Variants in GMDS observed in about 807,000 individuals in gnomAD.
GMDS encodes GDP-mannose 4,6 dehydratase.
Under a neutral mutation model 49.9 loss-of-function variants are expected in GMDS, and 20 were observed. That is an observed-to-expected ratio of 0.40 (90% CI 0.28 to 0.58). The LOEUF (loss-of-function observed/expected upper bound fraction) is 0.58. Among genes scored for constraint, GMDS ranks in the 20% least tolerant of loss-of-function variants. The pLI, the probability that GMDS is intolerant of heterozygous loss-of-function variation, is 0.42. For missense variants in GMDS, 362 were observed against 481.4 expected (o/e 0.75, Z 2.32); for synonymous variants, 177 against 178.6 (o/e 0.99, Z 0.07).
intron 1 of GMDS, among the ~76,000 whole-genome samples, chr6:2,202,578 TG>T (rs1195304558): frequency 1.3e-5 from 2 of 151,950 alleles, no homozygotes; most frequent in African/African-American, 4.8e-5. Flanking sequence ...TGGAAGAGAA[TG>T]GAGTTAATTG....
At chr6:1,652,143 G>A (rs1189635368) in intron 9 of GMDS, among the ~76,000 whole-genome samples, 1 of 150,440 alleles carries the variant, frequency 6.6e-6, no homozygotes, top group Non-Finnish European at 1.5e-5. Flanking sequence ...GAGGCGAGGC[G>A]GGTGGATCAT....
chr6:1,872,734 CT>C, intron 7 of GMDS, among the ~76,000 whole-genome samples: 1 of 152,392 alleles, frequency 6.6e-6, no homozygotes, highest in Middle Eastern at 3.4e-3. Flanking sequence ...TGCGCTCAAG[CT>C]GTCCCAGCAC....
At chr6:1,776,409 C>T (rs1768835739) in intron 7 of GMDS, among the ~76,000 whole-genome samples, 1 of 151,812 alleles carries the variant, frequency 6.6e-6, no homozygotes. Context: ...TCTGTGGGGC[C>T]AGGTGTGGTG....
chr6:2,055,013 G>C (rs1486797377), intron 4 of GMDS, among the ~76,000 whole-genome samples: 5 of 151,926 alleles, frequency 3.3e-5, no homozygotes, highest in Admixed American at 6.6e-5. Flanking sequence ...TTGTAAAAAA[G>C]AATCTAATAA....
At chr6:1,940,328 A>T (rs1482737000) in intron 6 of GMDS, among the ~76,000 whole-genome samples, 1 of 152,270 alleles carries the variant, frequency 6.6e-6, no homozygotes, top group Non-Finnish European at 1.5e-5. Flanking sequence ...TTGGAGTTAG[A>T]TAAAGTACAA....
At chr6:1,999,996 T>A (rs1343006333) in intron 4 of GMDS, among the ~76,000 whole-genome samples, 1 of 10,444 alleles carries the variant, frequency 9.6e-5, no homozygotes, top group African/African-American at 2.4e-4. Flanking sequence ...TATATATATA[T>A]TATATATATA....
chr6:2,193,264 T>TTACA (rs1160107825), intron 1 of GMDS, among the ~76,000 whole-genome samples: 4 of 152,256 alleles, frequency 2.6e-5, no homozygotes, highest in African/African-American at 9.6e-5. Context: ...ACTCAAGTTA[T>TTACA]TACATAGGCA....
chr6:1,947,151 G>A (rs1763107238), intron 6 of GMDS, among the ~76,000 whole-genome samples: 1 of 152,054 alleles, frequency 6.6e-6, no homozygotes, highest in African/African-American at 2.4e-5. Flanking sequence ...CCCTGTGCTT[G>A]CAGATTTATG....
chr6:1,951,813 G>T, intron 6 of GMDS: 1 of 648,292 alleles, frequency 1.5e-6, no homozygotes. Flanking sequence ...TATGTTTATT[G>T]TAATTATTTC....
chr6:2,197,460 C>T (rs1251338705), intron 1 of GMDS, among the ~76,000 whole-genome samples: 1 of 152,210 alleles, frequency 6.6e-6, no homozygotes, highest in African/African-American at 2.4e-5. Flanking sequence ...TCTCCAGCTC[C>T]ACTGCCTGTG....
chr6:1,903,805 A>G (rs1477796752), intron 7 of GMDS, among the ~76,000 whole-genome samples: 1 of 151,980 alleles, frequency 6.6e-6, no homozygotes, highest in Non-Finnish European at 1.5e-5. Flanking sequence ...TGCCCTCCCA[A>G]CCCTGGATGC....
intron 4 of GMDS, among the ~76,000 whole-genome samples, chr6:1,976,458 G>C (rs11965992): frequency 0.027 from 4,171 of 152,276 alleles, 201 homozygotes; most frequent in African/African-American, 0.094. Flanking sequence ...ATGAATAGGA[G>C]CAGGGTGTTC....
At chr6:1,880,941 G>T (rs1309709084) in intron 7 of GMDS, among the ~76,000 whole-genome samples, 1 of 151,870 alleles carries the variant, frequency 6.6e-6, no homozygotes, top group East Asian at 1.9e-4. Flanking sequence ...AGAAAGAAGG[G>T]TATGAATTGT....
chr6:1,650,824 C>T (rs1281349670), intron 9 of GMDS, among the ~76,000 whole-genome samples: 1 of 152,172 alleles, frequency 6.6e-6, no homozygotes, highest in Non-Finnish European at 1.5e-5. Flanking sequence ...AAGTGATCCA[C>T]CTGCCTTGGC....
intron 7 of GMDS, among the ~76,000 whole-genome samples, chr6:1,841,593 C>T (rs1008826149): frequency 3.9e-5 from 6 of 152,228 alleles, no homozygotes; most frequent in East Asian, 1.9e-4. Context: ...GGAAAGGGGA[C>T]GCTATTAATA....
intron 7 of GMDS, among the ~76,000 whole-genome samples, chr6:1,810,987 G>GC (rs1554122180): frequency 6.7e-6 from 1 of 149,482 alleles, no homozygotes; most frequent in Non-Finnish European, 1.5e-5. Context: ...TTTTCTCCTA[G>GC]TTTTTTTTTT....
intron 4 of GMDS, among the ~76,000 whole-genome samples, chr6:2,051,962 CA>C (rs1770424345): frequency 6.6e-6 from 1 of 151,500 alleles, no homozygotes; most frequent in Admixed American, 6.6e-5. Context: ...ACTAAAAATA[CA>C]AAAATTAGTC....
At chr6:1,773,537 A>G (rs1267467387) in intron 7 of GMDS, among the ~76,000 whole-genome samples, 1 of 152,340 alleles carries the variant, frequency 6.6e-6, no homozygotes, top group South Asian at 2.1e-4. Context: ...GTGCGTGCAC[A>G]TCGGAGGGAA....
intron 4 of GMDS, among the ~76,000 whole-genome samples, chr6:1,962,880 C>CTT (rs567905789): frequency 7.3e-6 from 1 of 137,844 alleles, no homozygotes. Flanking sequence ...TTTTTTCTTT[C>CTT]TTTTTTTTTT....
Sources: allele counts gnomAD v4.1 joint callset (sites outside exome capture counted in the v4.1 genomes callset), GRCh38; gene constraint gnomAD v4.1.1; transcripts MANE v1.5; gene names NCBI Gene and HGNC (gene_info 2026-07-23, HGNC 2026-07-21).